HS6ST3: variants seen among roughly 807,000 people sequenced by gnomAD.
HS6ST3 encodes heparan-sulfate 6-O-sulfotransferase 3.
HS6ST3 carries 12 observed loss-of-function variants against 36.7 expected under a neutral mutation model. The ratio of observed to expected loss-of-function variants is 0.33; its 90% CI spans 0.21 to 0.53. The LOEUF (loss-of-function observed/expected upper bound fraction) is 0.53, where lower values mean the gene tolerates loss of function less well. Ranked by LOEUF, HS6ST3 falls within the 20% of genes least tolerant of loss-of-function variation. HS6ST3 has a pLI of 0.95. For missense variants in HS6ST3, 584 were observed against 640.9 expected (o/e 0.91, Z 0.96); for synonymous variants, 240 against 257.5 (o/e 0.93, Z 0.65).
At chr13:96,711,168 G>A (rs1422575995) in intron 1 of HS6ST3, among the ~76,000 whole-genome samples, 1 of 152,202 alleles carries the variant, frequency 6.6e-6, no homozygotes, top group Admixed American at 6.5e-5. Flanking sequence ...ACCTGCACCA[G>A]GCAGTAACCT....
intron 1 of HS6ST3, among the ~76,000 whole-genome samples, chr13:96,382,576 A>G (rs2055346642): frequency 6.6e-6 from 1 of 152,256 alleles, no homozygotes; most frequent in Admixed American, 6.5e-5. Flanking sequence ...GTGTCAACAT[A>G]GAAAATTAAT....
At chr13:96,307,752 G>A (rs536959557) in intron 1 of HS6ST3, among the ~76,000 whole-genome samples, 2 of 151,908 alleles carry the variant, frequency 1.3e-5, no homozygotes, top group South Asian at 2.1e-4. Flanking sequence ...TTTCATATAC[G>A]TATTTTCTTA....
chr13:96,196,581 C>G (rs2054315303), intron 1 of HS6ST3, among the ~76,000 whole-genome samples: 1 of 152,080 alleles, frequency 6.6e-6, no homozygotes, highest in South Asian at 2.1e-4. Context: ...CTTTGCTGTG[C>G]TTTGAGGAGC....
At chr13:96,121,951 G>T (rs1308582639) in intron 1 of HS6ST3, among the ~76,000 whole-genome samples, 2 of 152,052 alleles carry the variant, frequency 1.3e-5, no homozygotes, top group Non-Finnish European at 2.9e-5. Context: ...AGTAACGTTT[G>T]TGAAACCCAT....
At chr13:96,683,679 T>C (rs1485193105) in intron 1 of HS6ST3, among the ~76,000 whole-genome samples, 1 of 152,096 alleles carries the variant, frequency 6.6e-6, no homozygotes, top group Non-Finnish European at 1.5e-5. Flanking sequence ...TATGTTTACT[T>C]TCTATTGATA....
intron 1 of HS6ST3, among the ~76,000 whole-genome samples, chr13:96,193,280 G>A (rs945804017): frequency 6.6e-6 from 1 of 152,164 alleles, no homozygotes; most frequent in African/African-American, 2.4e-5. Context: ...TCTTCTCAAA[G>A]CCGAACGAAA....
At chr13:96,499,088 C>T (rs755495579) in intron 1 of HS6ST3, among the ~76,000 whole-genome samples, 53 of 148,764 alleles carry the variant, frequency 3.6e-4, no homozygotes, top group Non-Finnish European at 6.9e-4. Flanking sequence ...TGTAGTGGCT[C>T]GATCCCTGCT....
At chr13:96,357,725 T>G (rs1009641298) in intron 1 of HS6ST3, among the ~76,000 whole-genome samples, 5 of 152,120 alleles carry the variant, frequency 3.3e-5, no homozygotes, top group Non-Finnish European at 7.4e-5. Context: ...TCTCGGTATG[T>G]TAACCAGGCT....
intron 1 of HS6ST3, among the ~76,000 whole-genome samples, chr13:96,471,054 T>A (rs1241761886): frequency 6.6e-6 from 1 of 152,234 alleles, no homozygotes; most frequent in South Asian, 2.1e-4. Flanking sequence ...AGTAGGCATA[T>A]ATTTTCCTCC....
intron 1 of HS6ST3, among the ~76,000 whole-genome samples, chr13:96,532,630 G>A (rs536110159): frequency 1.8e-4 from 27 of 152,218 alleles, no homozygotes; most frequent in African/African-American, 6.5e-4. Context: ...GAATGAGGCT[G>A]CAGGAGAAAA....
In HS6ST3 at chr13:96,547,096, G is replaced by A. The variant is rs368594344; in HGVS notation, c.708-285394G>A. On this transcript the variant is annotated intron_variant, in intron 1 of 1. Coordinates refer to ENST00000376705, the MANE Select transcript of HS6ST3 (RefSeq NM_153456.4). ...CATTACCCCTGGCAACAGTTGGGCT[G>A]TCTTATGCGAGTAAGTTGGTGAAAG... Among the ~76,000 whole-genome samples, 19 of 152,314 alleles carry A rather than the reference G, an allele frequency of 1.2e-4. No individual in the cohort carries two copies. In the South Asian group the frequency reaches 3.7e-3, roughly 30 times the overall value.
intron 1 of HS6ST3, among the ~76,000 whole-genome samples, chr13:96,740,819 G>C (rs1876419055): frequency 6.6e-6 from 1 of 152,110 alleles, no homozygotes; most frequent in Non-Finnish European, 1.5e-5. Flanking sequence ...TCTTCTAAGG[G>C]GGAGACAGAA....
intron 1 of HS6ST3, among the ~76,000 whole-genome samples, chr13:96,293,954 G>A (rs185882592): frequency 7.2e-5 from 11 of 152,188 alleles, no homozygotes; most frequent in Non-Finnish European, 1.3e-4. Flanking sequence ...GTTGCATGGT[G>A]GTGGCAGTAT....
Position 96,091,013 on chromosome 13 carries a change from G to A in HS6ST3, c.151G>A (p.Val51Ile), listed in dbSNP as rs780413956. The A allele has an allele frequency of 4.3e-5, 55 of 1,267,196 alleles. No individual in the cohort carries two copies. Among genetic ancestry groups the A allele is most frequent in the Non-Finnish European group, 5.4e-5 (54 of 1,003,584 alleles). The allele number at this position is 1,267,196 out of a possible 1,614,324, so 78.5% of individuals were successfully genotyped here. ...CGCGGGGGAGGCCGGCCCGCCCGCC[G>A]TCCCGGGTCCCGCCCGCCGGGCTCA... ...PRAGEAGPPA[V>I]PGPARRAQAP... The change falls in exon 1 of 2, where the codon GTC (valine) becomes ATC (isoleucine). Residue 51 changes from valine to isoleucine, a missense_variant. Val to Ile is a conservative substitution (Grantham distance 29). Coordinates refer to ENST00000376705, the MANE Select transcript of HS6ST3 (RefSeq NM_153456.4).
At chr13:96,331,796 A>G (rs1400101162) in intron 1 of HS6ST3, among the ~76,000 whole-genome samples, 4 of 151,928 alleles carry the variant, frequency 2.6e-5, no homozygotes. Context: ...GCCGCCTTGC[A>G]GTTTGATCTC....
intron 1 of HS6ST3, among the ~76,000 whole-genome samples, chr13:96,486,620 T>C (rs899521284): frequency 6.6e-6 from 1 of 152,228 alleles, no homozygotes; most frequent in African/African-American, 2.4e-5. Context: ...TGGCCAGTGA[T>C]GATGAGCAGT....
intron 1 of HS6ST3, among the ~76,000 whole-genome samples, chr13:96,313,293 G>T (rs1487259440): frequency 6.6e-6 from 1 of 151,404 alleles, no homozygotes; most frequent in African/African-American, 2.4e-5. Context: ...TTTTTAAAAA[G>T]AATTGCATCC....
intron 1 of HS6ST3, among the ~76,000 whole-genome samples, chr13:96,484,958 T>C (rs978365689): frequency 6.6e-6 from 1 of 152,208 alleles, no homozygotes; most frequent in Non-Finnish European, 1.5e-5. Context: ...CTACCAACAG[T>C]GTACAAGAAT....
At chr13:96,441,832 CAA>C (rs1459760137) in intron 1 of HS6ST3, among the ~76,000 whole-genome samples, 6 of 151,588 alleles carry the variant, frequency 4.0e-5, no homozygotes, top group South Asian at 2.1e-4. Context: ...AAAACAGAAA[CAA>C]GAGAAAAAGA....
Sources: gnomAD v4.1 joint callset for allele counts (sites outside exome capture counted in the v4.1 genomes callset) on GRCh38, gnomAD v4.1.1 for gene constraint, MANE v1.5 for transcripts, NCBI Gene and HGNC (gene_info 2026-07-23, HGNC 2026-07-21) for gene names.